The following ACYP2 variants were observed in gnomAD, a reference collection of about 807,000 sequenced individuals.
ACYP2 encodes the protein acylphosphatase-2.
Under a neutral mutation model 11.2 loss-of-function variants are expected in ACYP2, and 12 were observed. The ratio of observed to expected loss-of-function variants is 1.08; its 90% confidence interval spans 0.69 to 1.74. ACYP2 has a LOEUF of 1.74. ACYP2 is among the 40% of genes most tolerant of loss of function. ACYP2 has a pLI of 0.00. For missense variants in ACYP2, 134 were observed against 101.9 expected, an observed-to-expected ratio of 1.31 and a Z score of -1.35; for synonymous variants, 43 against 32.2, an observed-to-expected ratio of 1.33 and a Z score of -1.13.
chr2:54,159,627 G>A (rs1682617397), intron 6 of ACYP2, among the ~76,000 whole-genome samples: 1 of 152,114 alleles, frequency 6.6e-6, no homozygotes, highest in South Asian at 2.1e-4. Context: ...TGATTAAAGG[G>A]GTTGTGAAAA....
intron 6 of ACYP2, among the ~76,000 whole-genome samples, chr2:54,274,653 A>AAAT (rs1688467991): frequency 6.9e-6 from 1 of 144,516 alleles, no homozygotes; most frequent in Non-Finnish European, 1.5e-5. Context: ...AAAAAAAAAA[A>AAAT]GTTCTCTGAA....
intron 6 of ACYP2, among the ~76,000 whole-genome samples, chr2:54,242,673 A>G (rs1051106179): frequency 2.0e-5 from 3 of 152,214 alleles, no homozygotes; most frequent in Non-Finnish European, 4.4e-5. Context: ...TGCCTACACT[A>G]TTCAGTAACA....
chr2:54,159,203 A>C (rs765087733), intron 6 of ACYP2, among the ~76,000 whole-genome samples: 9 of 151,882 alleles, frequency 5.9e-5, no homozygotes, highest in Non-Finnish European at 1.2e-4. Context: ...AAAATCAGTC[A>C]ATACTGCCTG....
At chr2:54,039,220 T>G (rs1350598863) in intron 2 of ACYP2, among the ~76,000 whole-genome samples, 1 of 150,916 alleles carries the variant, frequency 6.6e-6, no homozygotes, top group Non-Finnish European at 1.5e-5. Flanking sequence ...TTTGGAAGTT[T>G]TTTTTTTTTT....
At chr2:54,087,820 G>GA (rs1404672881) in intron 4 of ACYP2, among the ~76,000 whole-genome samples, 2 of 152,180 alleles carry the variant, frequency 1.3e-5, no homozygotes, top group South Asian at 2.1e-4. Context: ...AAGATACTGA[G>GA]AAAAAATAGA....
chr2:54,002,636 T>G (rs1047199156), intron 2 of ACYP2, among the ~76,000 whole-genome samples: 1 of 149,650 alleles, frequency 6.7e-6, no homozygotes, highest in Non-Finnish European at 1.5e-5. Flanking sequence ...TGAGCTACCA[T>G]GCCTGGCCAT....
intron 6 of ACYP2, among the ~76,000 whole-genome samples, chr2:54,275,493 C>T (rs1688515375): frequency 6.6e-6 from 1 of 152,118 alleles, no homozygotes; most frequent in African/African-American, 2.4e-5. Context: ...TTCTAGCTTC[C>T]AGTATTAGGT....
chr2:54,000,677 T>A (rs1232661911), intron 2 of ACYP2, among the ~76,000 whole-genome samples: 1 of 152,196 alleles, frequency 6.6e-6, no homozygotes, highest in Non-Finnish European at 1.5e-5. Context: ...TGCAACAGGT[T>A]TTTTTCATGA....
intron 2 of ACYP2, among the ~76,000 whole-genome samples, chr2:53,997,428 A>G (rs1573478716): frequency 6.6e-6 from 1 of 151,984 alleles, no homozygotes; most frequent in South Asian, 2.1e-4. Flanking sequence ...GCCTCAGCCT[A>G]CTGAGTAGCT....
intron 2 of ACYP2, among the ~76,000 whole-genome samples, chr2:54,021,758 T>C (rs1440604437): frequency 6.6e-6 from 1 of 152,200 alleles, no homozygotes; most frequent in Non-Finnish European, 1.5e-5. Context: ...TTGAGCATTT[T>C]TTGGAGTCAT....
chr2:54,073,421 C>T (rs1677168318), intron 4 of ACYP2, among the ~76,000 whole-genome samples: 1 of 151,828 alleles, frequency 6.6e-6, no homozygotes, highest in Non-Finnish European at 1.5e-5. Context: ...GCTAGAAGTA[C>T]AAAACTCTTG....
At chr2:54,255,339 G>T in intron 6 of ACYP2, 1 of 1,614,120 alleles carries the variant, frequency 6.2e-7, no homozygotes. Flanking sequence ...TTAACATCTC[G>T]GCATCTTGGC....
intron 6 of ACYP2, among the ~76,000 whole-genome samples, chr2:54,286,380 G>C (rs1005618273): frequency 6.6e-6 from 1 of 151,988 alleles, no homozygotes; most frequent in Non-Finnish European, 1.5e-5. Context: ...TCTACTAAAT[G>C]TTTATCATGT....
intron 6 of ACYP2, among the ~76,000 whole-genome samples, chr2:54,259,695 A>T (rs904882750): frequency 2.0e-5 from 3 of 149,114 alleles, no homozygotes. Context: ...GGAGAAAAGA[A>T]ATGGAGATTG....
chr2:54,182,146 G>A (rs1683766009), intron 6 of ACYP2, among the ~76,000 whole-genome samples: 1 of 139,354 alleles, frequency 7.2e-6, no homozygotes, highest in South Asian at 2.3e-4. Context: ...TGTAACCTCA[G>A]CCTTCGGGTT....
At chr2:54,283,414 T>C (rs1439766208) in intron 6 of ACYP2, among the ~76,000 whole-genome samples, 1 of 152,224 alleles carries the variant, frequency 6.6e-6, no homozygotes, top group Non-Finnish European at 1.5e-5. Context: ...TTTCATTGCA[T>C]GCTTTCCATG....
Position 54,201,636 on chromosome 2 carries a change from C to CTTTCTTTCTTTGTTTCTTTTTCTT in ACYP2, c.404+62889_404+62890insTTCTTTCTTTGTTTCTTTTTCTTT, listed in dbSNP as rs59874821. 1.4e-3 allele frequency among the ~76,000 whole-genome samples: 130 copies of CTTTCTTTCTTTGTTTCTTTTTCTT among 93,690 alleles called. 3 individuals carry two copies. Among genetic ancestry groups the CTTTCTTTCTTTGTTTCTTTTTCTT allele is most frequent in the East Asian group, 3.2e-3 (10 of 3,106 alleles). 61.5% of individuals were successfully genotyped at this position (93,690 alleles called of 152,430 possible). ...TCTTTCTTTCTTTGTTTCTTTCTTT[C>CTTTCTTTCTTTGTTTCTTTTTCTT]TCTTTCTTTCTTTCTTTCTTTCTTT... On this transcript the variant is annotated intron_variant, in intron 6 of 6. Transcript: ENST00000607452.
intron 6 of ACYP2, among the ~76,000 whole-genome samples, chr2:54,202,804 C>G (rs900383246): frequency 7.7e-6 from 1 of 130,110 alleles, no homozygotes; most frequent in Non-Finnish European, 1.6e-5. Flanking sequence ...CTCAAGTGAT[C>G]CTTCCAAGGA....
In ACYP2 at chr2:54,186,042, A is replaced by G. The variant is rs796787127; in HGVS notation, c.404+47294A>G. Among the ~76,000 whole-genome samples the G allele has an allele frequency of 4.6e-5, 7 of 152,258 alleles. 1 individual carries two copies. The highest frequency in any genetic ancestry group is 2.1e-4 in the South Asian group (1 of 4,830). On this transcript the variant is annotated intron_variant, in intron 6 of 6. Transcript: ENST00000607452. ...AAGTTCAGGTAGCTCACAAGAGAAG[A>G]AAAAACATTGATCTGCAAATGCATG...
Sources: gnomAD v4.1 joint callset for allele counts (sites outside exome capture counted in the v4.1 genomes callset) on GRCh38, gnomAD v4.1.1 for gene constraint, MANE v1.5 for transcripts, NCBI Gene and HGNC (gene_info 2026-07-23, HGNC 2026-07-21) for gene names.